Variants in CTNNA2 observed in about 807,000 individuals in gnomAD.
The protein encoded by CTNNA2 is catenin alpha-2.
Under a neutral mutation model 101.0 loss-of-function variants are expected in CTNNA2, and 42 were observed. The ratio of observed to expected loss-of-function variants is 0.42; its 90% confidence interval spans 0.32 to 0.54. CTNNA2 has a LOEUF of 0.54. Ranked by LOEUF, CTNNA2 falls within the 20% of genes least tolerant of loss-of-function variation. The pLI is 0.14. For synonymous variants in CTNNA2, 450 were observed against 456.4 expected, an observed-to-expected ratio of 0.99 and a Z score of 0.18; for missense variants, 871 against 1,223.1, an observed-to-expected ratio of 0.71 and a Z score of 4.29.
intron 2 of CTNNA2, among the ~76,000 whole-genome samples, chr2:79,674,692 G>A (rs761988749): frequency 6.6e-6 from 1 of 152,122 alleles, no homozygotes; most frequent in Non-Finnish European, 1.5e-5. Context: ...AAAGGGAAAT[G>A]GCTAAGGAGA....
At chr2:80,245,824 GCA>G (rs1558937564) in intron 7 of CTNNA2, among the ~76,000 whole-genome samples, 1,085 of 13,002 alleles carry the variant, frequency 0.083, 33 homozygotes, top group African/African-American at 0.19. Flanking sequence ...TTTTTTTTTT[GCA>G]CTCTGTAGCC....
chr2:79,217,115 G>T (rs1443980161), intron 2 of CTNNA2, among the ~76,000 whole-genome samples: 2 of 152,132 alleles, frequency 1.3e-5, no homozygotes, highest in African/African-American at 4.8e-5. Flanking sequence ...AGTGGTTGAG[G>T]GATAGTGAGA....
At chr2:80,578,223 A>G (rs1374018381) in intron 13 of CTNNA2, among the ~76,000 whole-genome samples, 1 of 148,684 alleles carries the variant, frequency 6.7e-6, no homozygotes, top group Non-Finnish European at 1.5e-5. Flanking sequence ...ACCCACTTCC[A>G]TAACAAAACA....
At chr2:80,002,718 C>T (rs963802601) in intron 7 of CTNNA2, among the ~76,000 whole-genome samples, 33 of 152,084 alleles carry the variant, frequency 2.2e-4, no homozygotes, top group Non-Finnish European at 2.5e-4. Context: ...AGCAGCTGTG[C>T]TCCTCCACCC....
chr2:80,508,324 A>C (rs2149546432), intron 9 of CTNNA2, among the ~76,000 whole-genome samples: 1 of 152,166 alleles, frequency 6.6e-6, no homozygotes, highest in African/African-American at 2.4e-5. Context: ...AAATAATAAT[A>C]ATTTTAAAAA....
At chr2:79,817,617 C>T (rs1031738450) in intron 3 of CTNNA2, among the ~76,000 whole-genome samples, 3 of 152,104 alleles carry the variant, frequency 2.0e-5, no homozygotes, top group Non-Finnish European at 4.4e-5. Flanking sequence ...TTTCGGAGCC[C>T]AACTCACAGG....
At chr2:80,298,757 T>G (rs534814610) in intron 7 of CTNNA2, 1 of 152,374 alleles carries the variant, frequency 6.6e-6, no homozygotes, top group East Asian at 1.9e-4. Flanking sequence ...TTGAGAAAAC[T>G]ATTTCCTTTT....
intron 2 of CTNNA2, among the ~76,000 whole-genome samples, chr2:79,247,690 C>G (rs1041260012): frequency 1.3e-5 from 2 of 152,126 alleles, no homozygotes; most frequent in African/African-American, 4.8e-5. Context: ...TGTGATTAAG[C>G]TAAGACTCTT....
In CTNNA2 at chr2:79,306,706, C is replaced by T. The variant is rs183151554; in HGVS notation, c.-405-6003C>T. Among the ~76,000 whole-genome samples the T allele has an allele frequency of 2.4e-4, 37 of 152,292 alleles. 1 individual carries two copies. Among genetic ancestry groups the T allele is most frequent in the Non-Finnish European group, 5.0e-4 (34 of 68,012 alleles). On this transcript the variant is annotated intron_variant, in intron 2 of 21. Transcript: ENST00000466387. Reference sequence around the variant, plus strand: ...GAAATGTGCATATTTAATTTTATTACATACTTCCAAATGGCTCTCCAGAAT... The same window carrying T: ...GAAATGTGCATATTTAATTTTATTATATACTTCCAAATGGCTCTCCAGAAT...
intron 7 of CTNNA2, among the ~76,000 whole-genome samples, chr2:80,096,617 C>A (rs1700169233): frequency 6.6e-6 from 1 of 152,110 alleles, no homozygotes; most frequent in Non-Finnish European, 1.5e-5. Flanking sequence ...GTTAAAGTCT[C>A]CCATTATTAT....
intron 7 of CTNNA2, among the ~76,000 whole-genome samples, chr2:80,131,941 C>T (rs776602709): frequency 2.2e-4 from 33 of 152,026 alleles, no homozygotes; most frequent in African/African-American, 3.1e-4. Flanking sequence ...ATTAGCCAGA[C>T]GTGGTGGCAG....
intron 2 of CTNNA2, among the ~76,000 whole-genome samples, chr2:79,677,203 G>A (rs188088933): frequency 3.1e-4 from 47 of 152,294 alleles, no homozygotes; most frequent in African/African-American, 1.1e-3. Flanking sequence ...ACAGGGACAA[G>A]TTCCTGGGAC....
intron 11 of CTNNA2, among the ~76,000 whole-genome samples, chr2:80,554,722 T>A (rs2149657095): frequency 6.6e-6 from 1 of 152,306 alleles, no homozygotes; most frequent in East Asian, 1.9e-4. Flanking sequence ...AACATATGAA[T>A]TTTAAGGGAA....
At chr2:80,493,859 G>A (rs1219172931) in intron 9 of CTNNA2, among the ~76,000 whole-genome samples, 1 of 152,190 alleles carries the variant, frequency 6.6e-6, no homozygotes, top group Non-Finnish European at 1.5e-5. Context: ...AAAGTCAAAT[G>A]AGTCAAAGTA....
At chr2:80,188,138 G>C (rs1372631712) in intron 7 of CTNNA2, among the ~76,000 whole-genome samples, 1 of 152,174 alleles carries the variant, frequency 6.6e-6, no homozygotes, top group Non-Finnish European at 1.5e-5. Flanking sequence ...GTTATTTCAA[G>C]GTTTTATCTA....
intron 2 of CTNNA2, among the ~76,000 whole-genome samples, chr2:79,214,580 G>A (rs1444063315): frequency 2.6e-5 from 4 of 152,114 alleles, no homozygotes; most frequent in Non-Finnish European, 5.9e-5. Flanking sequence ...AGCGGGGTAA[G>A]GGTGATTAGG....
intron 3 of CTNNA2, among the ~76,000 whole-genome samples, chr2:79,845,172 C>CTT (rs59627246): frequency 9.6e-6 from 1 of 104,202 alleles, no homozygotes; most frequent in African/African-American, 3.8e-5. Flanking sequence ...AACACAGCTG[C>CTT]TTTTTTTTTT....
At chr2:80,048,359 G>C (rs1696662323) in intron 7 of CTNNA2, among the ~76,000 whole-genome samples, 1 of 152,180 alleles carries the variant, frequency 6.6e-6, no homozygotes, top group South Asian at 2.1e-4. Flanking sequence ...AGTGAGAAGG[G>C]AGGGGCAGTG....
intron 2 of CTNNA2, among the ~76,000 whole-genome samples, chr2:79,269,370 G>A (rs1675031868): frequency 6.6e-6 from 1 of 152,130 alleles, no homozygotes. Flanking sequence ...GCTGAAGGAA[G>A]CAGCACCAAG....
Sources: gnomAD v4.1 joint callset for allele counts (sites outside exome capture counted in the v4.1 genomes callset) on GRCh38, gnomAD v4.1.1 for gene constraint, MANE v1.5 for transcripts, NCBI Gene and HGNC (gene_info 2026-07-23, HGNC 2026-07-21) for gene names.